Variants in COQ5 observed in about 807,000 individuals in gnomAD.
COQ5 encodes coenzyme Q5, methyltransferase.
COQ5 carries 27 observed loss-of-function variants against 40.5 expected under a neutral mutation model. The observed-to-expected ratio is 0.67, with a 90% CI of 0.49 to 0.92. The LOEUF is 0.92. Among genes scored for constraint, COQ5 ranks in the 40% least tolerant of loss-of-function variants. COQ5 has a pLI of 0.00. For missense variants in COQ5, 409 were observed against 406.4 expected (o/e 1.01, Z -0.06); for synonymous variants, 141 against 150.0 (o/e 0.94, Z 0.44).
intron 3 of COQ5, among the ~76,000 whole-genome samples, chr12:120,513,347 C>CAA (rs1373150870): frequency 9.3e-5 from 14 of 150,342 alleles, no homozygotes; most frequent in African/African-American, 2.7e-4. Flanking sequence ...ACTAAAAATA[C>CAA]AAAAATTAGC....
At chr12:120,508,575 T>C (rs886171117) in intron 4 of COQ5, among the ~76,000 whole-genome samples, 1 of 152,186 alleles carries the variant, frequency 6.6e-6, no homozygotes, top group African/African-American at 2.4e-5. Context: ...GGTTATTAGT[T>C]ATGTGAATCA....
At chr12:120,528,020 A>AAAAAAAAAAAAAAACAAAAAAC (rs1870041379) in intron 1 of COQ5, among the ~76,000 whole-genome samples, 1 of 128,324 alleles carries the variant, frequency 7.8e-6, no homozygotes, top group African/African-American at 2.7e-5. Context: ...AAAAAAAAAA[A>AAAAAAAAAAAAAAACAAAAAAC]AAGAAACCCC....
At chr12:120,527,530 C>G (rs1262353224) in intron 1 of COQ5, among the ~76,000 whole-genome samples, 1 of 152,116 alleles carries the variant, frequency 6.6e-6, no homozygotes, top group Non-Finnish European at 1.5e-5. Context: ...CTTCAGCTTG[C>G]ACATTTTCAC....
intron 2 of COQ5, among the ~76,000 whole-genome samples, chr12:120,518,731 AT>A (rs2137087885): frequency 6.6e-6 from 1 of 151,984 alleles, no homozygotes; most frequent in South Asian, 2.1e-4. Context: ...CGCCCAGCTA[AT>A]TTTTGTATTT....
chr12:120,522,943 C>G (rs1252682581), intron 1 of COQ5: 2 of 629,250 alleles, frequency 3.2e-6, no homozygotes, highest in East Asian at 2.6e-5. Flanking sequence ...GCACTGTTGG[C>G]CTGCATCTTT....
rs193157720 is a variant in COQ5, at chr12:120,529,146, G to A, written c.-5C>T. The A allele has an allele frequency of 5.9e-5, 95 of 1,611,456 alleles. 1 individual carries two copies. In the East Asian group the frequency reaches 2.1e-3, roughly 35 times the overall value. On this transcript the variant is annotated 5_prime_UTR_variant, in exon 1 of 7. Transcript: ENST00000288532. ...ACAGCTCCCGGGGGCCGCCATCTTG[G>A]TAGTCGAGTGACAACGGCCAGAGAG... is the stretch of plus-strand genomic sequence containing the variant.
chr12:120,523,865 C>G (rs1195880833), intron 1 of COQ5: 4 of 347,634 alleles, frequency 1.2e-5, no homozygotes, highest in Non-Finnish European at 2.3e-5. Flanking sequence ...CAAAAATTAG[C>G]TGGGCATGGT....
intron 3 of COQ5, among the ~76,000 whole-genome samples, chr12:120,512,196 C>A (rs572832673): frequency 6.6e-6 from 1 of 151,768 alleles, no homozygotes; most frequent in Non-Finnish European, 1.5e-5. Context: ...GGTGACAGAA[C>A]GAGACTCCGT....
At chr12:120,515,044 C>T (rs567305071) in intron 3 of COQ5, among the ~76,000 whole-genome samples, 3 of 152,148 alleles carry the variant, frequency 2.0e-5, no homozygotes, top group Middle Eastern at 3.4e-3. Flanking sequence ...CACCCCCCCT[C>T]GGCCTCCCAA....
Position 120,523,861 on chromosome 12 carries a change from T to G in COQ5, c.203-1498A>C, listed in dbSNP as rs192722874. 341 of 347,194 alleles carry G rather than the reference T, an allele frequency of 9.8e-4. 3 individuals are homozygous for G. Among genetic ancestry groups the G allele is most frequent in the African/African-American group, 6.8e-3 (308 of 45,522 alleles). 21.5% of individuals were successfully genotyped at this position (347,194 alleles called of 1,614,324 possible). A position where few individuals can be genotyped will look rare whatever the true frequency, so the allele number is the denominator to read the frequency against. On this transcript the variant is annotated intron_variant, in intron 1 of 6. Transcript: ENST00000288532. Reference sequence around the variant, plus strand: ...CCTGTCTCTAGTAAAAACACAAAAATTAGCTGGGCATGGTTGTGCACACCT... The same window carrying G: ...CCTGTCTCTAGTAAAAACACAAAAAGTAGCTGGGCATGGTTGTGCACACCT...
chr12:120,507,288 ATTT>A (rs954954756), intron 4 of COQ5, among the ~76,000 whole-genome samples: 1 of 136,968 alleles, frequency 7.3e-6, no homozygotes, highest in African/African-American at 2.7e-5. Flanking sequence ...TATTCAACTT[ATTT>A]TTTTTTTTTT....
intron 2 of COQ5, among the ~76,000 whole-genome samples, chr12:120,518,431 A>AC (rs1167436364): frequency 6.6e-6 from 1 of 151,476 alleles, no homozygotes; most frequent in Non-Finnish European, 1.5e-5. Context: ...GTTTCCAAAA[A>AC]AAAAAAAAAA....
At chr12:120,524,001 C>G (rs1408676765) in intron 1 of COQ5, 3 of 326,958 alleles carry the variant, frequency 9.2e-6, no homozygotes, top group Non-Finnish European at 1.9e-5. Context: ...CAGAGAGAGA[C>G]TCTGTTTCAA....
chr12:120,528,879 C>A (rs1490026287), intron 1 of COQ5, 61 bp downstream of exon 1: 5 of 1,463,504 alleles, frequency 3.4e-6, no homozygotes, highest in African/African-American at 1.4e-5. Context: ...CCCTAACTGG[C>A]CAGAAGAAAC....
At chr12:120,513,501 CAAAA>C (rs553219611) in intron 3 of COQ5, among the ~76,000 whole-genome samples, 1 of 62,056 alleles carries the variant, frequency 1.6e-5, no homozygotes, top group Non-Finnish European at 3.3e-5. Context: ...GACTCCGTCT[CAAAA>C]AAAAAAAAAA....
At chr12:120,522,911 A>G (rs529961) in intron 1 of COQ5, 692,994 of 705,360 alleles carry the variant, frequency 0.98, 340,718 homozygotes, top group Non-Finnish European at 1. Context: ...TGATAGCGTC[A>G]GCACGTGCAC....
In COQ5 at chr12:120,516,730, CTT is replaced by C; in HGVS notation, c.409_410del (p.Lys137GlufsTer21). On this transcript the variant is annotated frameshift_variant, in exon 3 of 7. Coordinates refer to ENST00000288532, the MANE Select transcript of COQ5 (RefSeq NM_032314.4). LOFTEE classifies it high-confidence loss of function. The stretch of plus-strand genomic sequence containing the variant: ...AATTTTGTTGGGCCCTTAACTGCCT[CTT>C]CTGTTTTCTCTGATGCTGGGACTGA... ...YVQSQHQRKQ[K>X]RQLRAQQNLS... The C allele has an allele frequency of 6.2e-7, 1 of 1,614,220 alleles. No homozygotes were observed.
chr12:120,515,043 T>A lies in COQ5; in HGVS notation c.574+1524A>T, dbSNP rs547715381. On this transcript the variant is annotated intron_variant, in intron 3 of 6. Transcript: ENST00000288532. ...CAGACCTCAGGGGATCCACCCCCCCTCGGCCTCCCAAAGTGCTGAGATTAC... is the reference window on the plus strand; with the variant it reads ...CAGACCTCAGGGGATCCACCCCCCCACGGCCTCCCAAAGTGCTGAGATTAC... 1.1e-4 allele frequency among the ~76,000 whole-genome samples: 17 copies of A among 152,088 alleles called. No individual in the cohort carries two copies. The East Asian group carries it at 3.3e-3, about 30-fold the overall frequency.
intron 3 of COQ5, among the ~76,000 whole-genome samples, chr12:120,510,636 T>C (rs1869088227): frequency 2.0e-5 from 3 of 152,178 alleles, no homozygotes; most frequent in Admixed American, 2.0e-4. Context: ...AATAAACTAC[T>C]TTGTCTGTTT....
Sources: allele counts gnomAD v4.1 joint callset (sites outside exome capture counted in the v4.1 genomes callset), GRCh38; gene constraint gnomAD v4.1.1; transcripts MANE v1.5; gene names NCBI Gene and HGNC (gene_info 2026-07-23, HGNC 2026-07-21).